Variants in GRIP1 observed in about 807,000 individuals in gnomAD.
GRIP1 encodes glutamate receptor-interacting protein 1.
In GRIP1, 45 loss-of-function variants were observed where a neutral mutation model predicts 129.9. The observed-to-expected ratio is 0.35, with a 90% confidence interval of 0.27 to 0.44. The LOEUF is 0.44. Ranked by LOEUF, GRIP1 falls within the 20% of genes least tolerant of loss-of-function variation. The pLI is 1.00. For missense variants in GRIP1, 1,196 were observed against 1,396.8 expected, an observed-to-expected ratio of 0.86 and a Z score of 2.29; for synonymous variants, 530 against 520.8, an observed-to-expected ratio of 1.02 and a Z score of -0.24.
At chr12:66,444,902 A>G (rs1393412968) in intron 12 of GRIP1, among the ~76,000 whole-genome samples, 173 bp from the exon 13 acceptor site, 1 of 152,210 alleles carries the variant, frequency 6.6e-6, no homozygotes, top group Non-Finnish European at 1.5e-5. Context: ...GTTGCAGTTC[A>G]TGGTTATAAT....
intron 7 of GRIP1, among the ~76,000 whole-genome samples, chr12:66,489,272 C>T (rs1324544078): frequency 6.6e-6 from 1 of 152,122 alleles, no homozygotes; most frequent in Non-Finnish European, 1.5e-5. Flanking sequence ...AAAGGCTTAT[C>T]CACCATGATC....
chr12:66,655,596 T>C (rs1211718883), intron 1 of GRIP1, among the ~76,000 whole-genome samples: 2 of 151,168 alleles, frequency 1.3e-5, no homozygotes, highest in African/African-American at 4.9e-5. Flanking sequence ...TTTTTTGCAG[T>C]TTTTTTGTAC....
At chr12:67,041,300 A>G (rs2043176110) in intron 1 of GRIP1, among the ~76,000 whole-genome samples, 1 of 152,108 alleles carries the variant, frequency 6.6e-6, no homozygotes, top group South Asian at 2.1e-4. Context: ...ATATATATAC[A>G]CATATATTTA....
intron 2 of GRIP1, among the ~76,000 whole-genome samples, chr12:66,595,218 A>T (rs181364092): frequency 6.6e-6 from 1 of 152,224 alleles, no homozygotes; most frequent in African/African-American, 2.4e-5. Flanking sequence ...AATCTAACAT[A>T]AAGAGAAGGA....
At chr12:66,959,719 T>C (rs1360838137) in intron 1 of GRIP1, among the ~76,000 whole-genome samples, 1 of 152,210 alleles carries the variant, frequency 6.6e-6, no homozygotes, top group Non-Finnish European at 1.5e-5. Context: ...ACTTTCTTAT[T>C]TCTTAGGCTA....
At chr12:66,578,231 G>GTTTTTTTT (rs1462512737) in intron 2 of GRIP1, among the ~76,000 whole-genome samples, 4 of 31,498 alleles carry the variant, frequency 1.3e-4, no homozygotes, top group African/African-American at 2.3e-4. Flanking sequence ...GCAAAACCGC[G>GTTTTTTTT]GTTTTTTTTT....
At chr12:66,903,279 T>C (rs1483138519) in intron 1 of GRIP1, among the ~76,000 whole-genome samples, 2 of 150,642 alleles carry the variant, frequency 1.3e-5, no homozygotes, top group African/African-American at 2.5e-5. Flanking sequence ...TATGGCAGAG[T>C]GTAAACGTGC....
At chr12:66,757,082 ATTTC>A (rs2037314707) in intron 1 of GRIP1, among the ~76,000 whole-genome samples, 1 of 152,226 alleles carries the variant, frequency 6.6e-6, no homozygotes, top group South Asian at 2.1e-4. Flanking sequence ...AGCATTTATC[ATTTC>A]TTTATGTTAC....
In GRIP1 at chr12:67,039,018, AACACACAC is replaced by A. The variant is rs10562551; in HGVS notation, c.58+30024_58+30031del. 4.8e-3 allele frequency among the ~76,000 whole-genome samples: 721 copies of A among 148,952 alleles called. 5 individuals are homozygous for A. The highest frequency in any genetic ancestry group is 0.015 in the African/African-American group (590 of 40,408). ...TAATAAGAAATAGTCACAAATAATA[AACACACAC>A]ACACACACACACACACACACACACA... On this transcript the variant is annotated intron_variant, in intron 1 of 1. Transcript: ENST00000643019.
intron 1 of GRIP1, among the ~76,000 whole-genome samples, chr12:66,729,319 A>G (rs1486795967): frequency 6.6e-6 from 1 of 152,198 alleles, no homozygotes; most frequent in Non-Finnish European, 1.5e-5. Context: ...TGACATTAAT[A>G]TATGCAGTTT....
chr12:66,957,727 CATTA>C (rs746647720), intron 1 of GRIP1, among the ~76,000 whole-genome samples: 5 of 152,180 alleles, frequency 3.3e-5, no homozygotes, highest in Non-Finnish European at 7.3e-5. Context: ...CTACTATCAA[CATTA>C]ATTATCACTG....
At chr12:66,583,173 A>G (rs2063472867) in intron 2 of GRIP1, among the ~76,000 whole-genome samples, 1 of 151,328 alleles carries the variant, frequency 6.6e-6, no homozygotes, top group Non-Finnish European at 1.5e-5. Context: ...TCCCTATTTA[A>G]TAAATGGTGC....
At chr12:66,484,736 A>C (rs2059906065) in intron 7 of GRIP1, among the ~76,000 whole-genome samples, 1 of 152,160 alleles carries the variant, frequency 6.6e-6, no homozygotes, top group African/African-American at 2.4e-5. Flanking sequence ...ATTTAGATGG[A>C]GGGAATAAGT....
intron 1 of GRIP1, among the ~76,000 whole-genome samples, chr12:66,923,396 G>T (rs1301831982): frequency 6.6e-6 from 1 of 152,132 alleles, no homozygotes; most frequent in Non-Finnish European, 1.5e-5. Flanking sequence ...TTGGCAGTTA[G>T]ATATCTCACT....
At chr12:66,988,403 G>A (rs11176519) in intron 1 of GRIP1, among the ~76,000 whole-genome samples, 36,647 of 151,478 alleles carry the variant, frequency 0.24, 4,877 homozygotes, top group East Asian at 0.4. Context: ...TTTTTAGATG[G>A]AAATTTTACT....
intron 20 of GRIP1, among the ~76,000 whole-genome samples, chr12:66,377,561 G>C (rs1160262948): frequency 6.8e-6 from 1 of 146,826 alleles, no homozygotes; most frequent in South Asian, 2.1e-4. Context: ...GGATGGTCTC[G>C]ATCTCCTGAC....
At chr12:66,681,420 C>G (rs2034579668), upstream of GRIP1, among the ~76,000 whole-genome samples, 1 of 152,134 alleles carries the variant, frequency 6.6e-6, no homozygotes, top group African/African-American at 2.4e-5. Flanking sequence ...TGCAAGCCTT[C>G]TATCTCAAAA....
chr12:67,056,582 C>T (rs1168257125), intron 1 of GRIP1, among the ~76,000 whole-genome samples: 1 of 152,136 alleles, frequency 6.6e-6, no homozygotes, highest in African/African-American at 2.4e-5. Flanking sequence ...CCAGCATTTT[C>T]TACCTGTTAA....
At chr12:66,597,205 G>C (rs1014329381) in intron 1 of GRIP1, among the ~76,000 whole-genome samples, 1 of 151,996 alleles carries the variant, frequency 6.6e-6, no homozygotes, top group Admixed American at 6.6e-5. Flanking sequence ...TTTATGAAAC[G>C]GTAAGAAGTA....
Sources: allele counts gnomAD v4.1 joint callset (sites outside exome capture counted in the v4.1 genomes callset), GRCh38; gene constraint gnomAD v4.1.1; transcripts MANE v1.5; gene names NCBI Gene and HGNC (gene_info 2026-07-23, HGNC 2026-07-21).